CLUAP1: variants seen among roughly 807,000 people sequenced by gnomAD.
CLUAP1 encodes intraflagellar transport 38.
In CLUAP1, 50 loss-of-function variants were observed where a neutral mutation model predicts 55.0. The observed-to-expected ratio is 0.91, with a 90% CI of 0.72 to 1.15. The LOEUF is 1.15. Among genes scored for constraint, CLUAP1 ranks in the 50% most tolerant of loss-of-function variants. CLUAP1 has a pLI of 0.00. For synonymous variants in CLUAP1, 195 were observed against 175.4 expected, an observed-to-expected ratio of 1.11 and a Z score of -0.88; for missense variants, 530 against 507.6, an observed-to-expected ratio of 1.04 and a Z score of -0.42.
At chr16:3,514,421 C>G (rs571790013) in intron 5 of CLUAP1, among the ~76,000 whole-genome samples, 12 of 152,026 alleles carry the variant, frequency 7.9e-5, no homozygotes, top group African/African-American at 2.9e-4. Flanking sequence ...CAGCCTCAGC[C>G]ACAGGCAAGG....
chr16:3,503,295 T>A (rs771295489), intron 1 of CLUAP1, among the ~76,000 whole-genome samples: 20 of 152,144 alleles, frequency 1.3e-4, no homozygotes, highest in Admixed American at 3.3e-4. Context: ...TCCTAGTAGC[T>A]GGGACTACAG....
At chr16:3,522,951 A>G (rs906081933) in intron 7 of CLUAP1, among the ~76,000 whole-genome samples, 1 of 152,180 alleles carries the variant, frequency 6.6e-6, no homozygotes. Context: ...CAAAGAGCAC[A>G]TCTTATTTAT....
chr16:3,496,372 C>T (rs1596376970), upstream of CLUAP1: 1 of 1,206,834 alleles, frequency 8.3e-7, no homozygotes, highest in Admixed American at 1.8e-5. Flanking sequence ...TGAGTCGCAC[C>T]AACCGGCCAC....
chr16:3,500,709 A>G (rs566148574), upstream of CLUAP1, among the ~76,000 whole-genome samples: 1 of 152,226 alleles, frequency 6.6e-6, no homozygotes, highest in East Asian at 1.9e-4. Flanking sequence ...GGGGGAAATA[A>G]GCAATATGGA....
chr16:3,504,697 G>A, intron 1 of CLUAP1, 23 bp from the exon 2 acceptor site: 2 of 1,309,504 alleles, frequency 1.5e-6, no homozygotes, highest in South Asian at 2.4e-5. Flanking sequence ...GGAACTGAAT[G>A]AATTGTATTT....
intron 7 of CLUAP1, among the ~76,000 whole-genome samples, chr16:3,521,761 A>C (rs921491667): frequency 1.1e-4 from 17 of 151,726 alleles, no homozygotes; most frequent in Non-Finnish European, 5.9e-5. Context: ...TTATCGTTTA[A>C]AAACCTCTTT....
At chr16:3,529,448 ATAT>A (rs34740646) in intron 9 of CLUAP1, among the ~76,000 whole-genome samples, 10,175 of 78,774 alleles carry the variant, frequency 0.13, 882 homozygotes, top group South Asian at 0.21. Flanking sequence ...ATTATATTAT[ATAT>A]TATTATATAT....
chr16:3,500,495 G>T (rs192980371), upstream of CLUAP1, among the ~76,000 whole-genome samples: 608 of 150,624 alleles, frequency 4.0e-3, 7 homozygotes, highest in Middle Eastern at 0.038. Flanking sequence ...TCAGCCTCCC[G>T]AGTAGCTGGG....
At chr16:3,521,458 G>A (rs1238823844) in intron 7 of CLUAP1, among the ~76,000 whole-genome samples, 2 of 150,486 alleles carry the variant, frequency 1.3e-5, no homozygotes, top group Middle Eastern at 3.4e-3. Context: ...TTTTGAGTTG[G>A]AGTTTCGCTC....
At chr16:3,498,634 C>T (rs1028439204), upstream of CLUAP1, among the ~76,000 whole-genome samples, 6 of 152,104 alleles carry the variant, frequency 3.9e-5, no homozygotes, top group African/African-American at 7.2e-5. Context: ...CATAGGCGGG[C>T]GGATCATGAG....
chr16:3,499,662 C>T (rs979680405), upstream of CLUAP1, among the ~76,000 whole-genome samples: 3 of 152,204 alleles, frequency 2.0e-5, no homozygotes, highest in African/African-American at 7.2e-5. Context: ...GTTCTTGATA[C>T]ATTCTGGATA....
chr16:3,500,422 G>T (rs1469602334), upstream of CLUAP1, among the ~76,000 whole-genome samples: 1 of 151,212 alleles, frequency 6.6e-6, no homozygotes, highest in Non-Finnish European at 1.5e-5. Flanking sequence ...CAGGCCGAAG[G>T]GCAGTGGCGC....
rs546303297 is a variant in CLUAP1, at chr16:3,506,258, A to T, written c.135-73A>T. 3.3e-6 allele frequency: 4 copies of T among 1,201,720 alleles called. No homozygotes were observed. The South Asian group carries it at 3.6e-5, about 11-fold the overall frequency. The allele number at this position is 1,201,720 out of a possible 1,614,324, so 74.4% of individuals were successfully genotyped here. ...TGTGTTCCAGACCCGCTGTCCTCTC[A>T]GTTGCCCACATTCTCTTTAGTAGAC... On this transcript the variant is annotated intron_variant, in intron 2 of 11. Coordinates refer to ENST00000576634, the MANE Select transcript of CLUAP1 (RefSeq NM_015041.3).
At chr16:3,505,390 C>T (rs1003417794) in intron 2 of CLUAP1, among the ~76,000 whole-genome samples, 23 of 151,926 alleles carry the variant, frequency 1.5e-4, no homozygotes, top group Non-Finnish European at 3.2e-4. Flanking sequence ...ATTAGCCAGG[C>T]GTGGTGGCGG....
rs1358309875 is a variant in CLUAP1 at position 3,512,324 on chromosome 16, C to T, written c.400-59C>T. The T allele has an allele frequency of 5.3e-6, 7 of 1,320,746 alleles. No homozygotes were observed. In the East Asian group the frequency reaches 1.4e-4, roughly 26 times the overall value. 81.8% of individuals were successfully genotyped at this position (1,320,746 alleles called of 1,614,324 possible). Reference sequence around the variant, plus strand: ...CAGCCTGGGTAACATAGCCAAGACCCTGTCTCTATTAAAAAACATCTGTTG... The same window carrying T: ...CAGCCTGGGTAACATAGCCAAGACCTTGTCTCTATTAAAAAACATCTGTTG... On this transcript the variant is annotated intron_variant, in intron 4 of 11. Transcript: ENST00000576634.
intron 2 of CLUAP1, 89 bp downstream of exon 2, chr16:3,504,920 C>A: frequency 2.4e-6 from 2 of 839,204 alleles, no homozygotes; most frequent in South Asian, 2.8e-5. Flanking sequence ...TGTGATGCTG[C>A]AAAAGGGAAA....
intron 6 of CLUAP1, among the ~76,000 whole-genome samples, chr16:3,519,435 T>C (rs914116451): frequency 6.6e-6 from 1 of 152,238 alleles, no homozygotes; most frequent in Non-Finnish European, 1.5e-5. Context: ...GGGTTAGGGC[T>C]GGGACCAGCT....
intron 5 of CLUAP1, among the ~76,000 whole-genome samples, chr16:3,514,225 C>G (rs1429214699): frequency 6.6e-6 from 1 of 152,136 alleles, no homozygotes; most frequent in African/African-American, 2.4e-5. Flanking sequence ...CATTTCCATC[C>G]CACGGGGTCT....
intron 10 of CLUAP1, 80 bp downstream of exon 10, chr16:3,530,755 T>G (rs2038099424): frequency 1.8e-6 from 2 of 1,084,300 alleles, no homozygotes; most frequent in Non-Finnish European, 2.8e-6. Context: ...GCAGGCTGCT[T>G]AGTATTGAGG....
Sources: allele counts gnomAD v4.1 joint callset (sites outside exome capture counted in the v4.1 genomes callset), GRCh38; gene constraint gnomAD v4.1.1; transcripts MANE v1.5; gene names NCBI Gene and HGNC (gene_info 2026-07-23, HGNC 2026-07-21).